Variants in CELF1 observed in about 807,000 individuals in gnomAD.
CELF1 encodes the protein 50 kDa nuclear polyadenylated RNA-binding protein.
In CELF1, 10 loss-of-function variants were observed where a neutral mutation model predicts 61.8. The ratio of observed to expected loss-of-function variants is 0.16; its 90% confidence interval spans 0.10 to 0.27. The LOEUF is 0.27. Among genes scored for constraint, CELF1 ranks in the 10% least tolerant of loss-of-function variants. The pLI, the probability that CELF1 is intolerant of heterozygous loss-of-function variation, is 1.00. For missense variants in CELF1, 380 were observed against 639.1 expected, an observed-to-expected ratio of 0.59 and a Z score of 4.37; for synonymous variants, 236 against 225.1, an observed-to-expected ratio of 1.05 and a Z score of -0.43.
intron 1 of CELF1, among the ~76,000 whole-genome samples, chr11:47,506,139 T>A (rs1427463292): frequency 6.7e-6 from 1 of 149,110 alleles, no homozygotes; most frequent in East Asian, 2.0e-4. Context: ...AAAAAAAAAA[T>A]TTGCAGGCTG....
At chr11:47,520,189 CATCT>C (rs990450045) in intron 1 of CELF1, among the ~76,000 whole-genome samples, 1 of 152,044 alleles carries the variant, frequency 6.6e-6, no homozygotes, top group African/African-American at 2.4e-5. Context: ...CATGGGAGAG[CATCT>C]ATCTAAGGGA....
intron 7 of CELF1, 86 bp downstream of exon 7, chr11:47,484,303 C>A: frequency 2.1e-6 from 3 of 1,444,982 alleles, no homozygotes; most frequent in South Asian, 1.2e-5. Flanking sequence ...TGAGAGAGAG[C>A]AAGACCTTGT....
At chr11:47,544,360 A>G (rs1243413988) in intron 1 of CELF1, among the ~76,000 whole-genome samples, 1 of 152,198 alleles carries the variant, frequency 6.6e-6, no homozygotes, top group Admixed American at 6.5e-5. Flanking sequence ...AGTGCCTAGC[A>G]TAAGTTACCT....
chr11:47,494,390 T>C, intron 3 of CELF1: 2 of 984,460 alleles, frequency 2.0e-6, no homozygotes, highest in South Asian at 4.7e-5. Flanking sequence ...TGAGCAACTA[T>C]GAAAATTCAG....
rs561549938 is a variant in CELF1 at position 47,468,300 on chromosome 11, A to C, written c.*3930T>G. On this transcript the variant is annotated 3_prime_UTR_variant, in exon 15 of 15. Coordinates refer to ENST00000687097, the MANE Select transcript of CELF1 (RefSeq NM_001376376.1). The stretch of plus-strand genomic sequence containing the variant: ...GAAAGGGGGTTCAGGTGCTCTCCGC[A>C]GTTGAGAACTCAGAAGAAAAACAAA... 7 of 152,360 alleles carry C rather than the reference A, an allele frequency of 4.6e-5. No homozygotes were observed. The East Asian group carries it at 1.3e-3, about 29-fold the overall frequency. The allele number at this position is 152,360 out of a possible 1,614,324, so 9.4% of individuals were successfully genotyped here.
At chr11:47,560,776 G>A (rs902994058) in intron 2 of CELF1, among the ~76,000 whole-genome samples, 3 of 152,148 alleles carry the variant, frequency 2.0e-5, no homozygotes, top group Non-Finnish European at 2.9e-5. Context: ...CATTGGAGGG[G>A]GGTGGGCATA....
chr11:47,527,726 C>T (rs2096298324), intron 1 of CELF1, among the ~76,000 whole-genome samples: 1 of 152,072 alleles, frequency 6.6e-6, no homozygotes, highest in Non-Finnish European at 1.5e-5. Context: ...ATGCTTTTTT[C>T]GTGTTTAAGA....
intron 1 of CELF1, among the ~76,000 whole-genome samples, chr11:47,505,559 C>T (rs1223937658): frequency 6.7e-6 from 1 of 149,878 alleles, no homozygotes; most frequent in Non-Finnish European, 1.5e-5. Context: ...AGGAGAATGG[C>T]GTGAACCTGG....
upstream of CELF1, among the ~76,000 whole-genome samples, chr11:47,553,896 C>T (rs78678720): frequency 0.016 from 2,409 of 151,714 alleles, 50 homozygotes; most frequent in African/African-American, 0.048. Flanking sequence ...CTAGATGGAA[C>T]GCAAGCAGTA....
At chr11:47,521,784 AG>A (rs1320883818) in intron 1 of CELF1, among the ~76,000 whole-genome samples, 1 of 152,256 alleles carries the variant, frequency 6.6e-6, no homozygotes, top group African/African-American at 2.4e-5. Flanking sequence ...TTCAAAATAA[AG>A]TACCTGATCT....
At chr11:47,551,637 T>C (rs1413874692) in intron 1 of CELF1, among the ~76,000 whole-genome samples, 3 of 152,216 alleles carry the variant, frequency 2.0e-5, no homozygotes, top group Non-Finnish European at 4.4e-5. Context: ...GGAGAGAAGC[T>C]ACACTTGTGG....
At position 47,553,120 on chromosome 11, in the gene CELF1, C is replaced by T. The variant is rs1382881693; in HGVS notation, c.-282G>A. ...GTCCCGCCGCCGCTGCCGCTGCCGCCAGAGCAGAACACCCCAAAATGGCGG... is the reference window on the plus strand; with the variant it reads ...GTCCCGCCGCCGCTGCCGCTGCCGCTAGAGCAGAACACCCCAAAATGGCGG... On this transcript the variant is annotated 5_prime_UTR_variant, in exon 1 of 15. Transcript: ENST00000687097. The T allele has an allele frequency of 5.0e-6, 2 of 396,546 alleles. No homozygotes were observed. Among genetic ancestry groups the T allele is most frequent in the East Asian group, 7.1e-5 (2 of 28,006 alleles). 24.6% of individuals were successfully genotyped at this position (396,546 alleles called of 1,614,324 possible).
chr11:47,537,200 T>G (rs2096650310), intron 1 of CELF1, among the ~76,000 whole-genome samples: 1 of 151,870 alleles, frequency 6.6e-6, no homozygotes, highest in African/African-American at 2.4e-5. Context: ...CAATAAAAAT[T>G]ACGAAGTTTC....
chr11:47,503,090 A>T (rs990076485), intron 1 of CELF1, among the ~76,000 whole-genome samples: 3 of 152,208 alleles, frequency 2.0e-5, no homozygotes, highest in African/African-American at 7.2e-5. Context: ...TCAAAGCCTG[A>T]TTAAGTGAAG....
intron 3 of CELF1, among the ~76,000 whole-genome samples, chr11:47,490,394 G>C (rs972140173): frequency 6.7e-6 from 1 of 148,980 alleles, no homozygotes; most frequent in Non-Finnish European, 1.5e-5. Context: ...AAATTGCCAC[G>C]TTCTAATATC....
intron 9 of CELF1, among the ~76,000 whole-genome samples, chr11:47,481,925 AGGCGCAGT>A (rs1475451133): frequency 6.6e-6 from 1 of 152,168 alleles, no homozygotes; most frequent in Non-Finnish European, 1.5e-5. Flanking sequence ...GATCTCCGCC[AGGCGCAGT>A]GGCTCACACC....
At chr11:47,550,346 C>A (rs958636161) in intron 1 of CELF1, among the ~76,000 whole-genome samples, 3 of 152,020 alleles carry the variant, frequency 2.0e-5, no homozygotes, top group Non-Finnish European at 4.4e-5. Flanking sequence ...GCCTGGCCAA[C>A]ATGGTGAAAC....
At chr11:47,529,927 C>T (rs1208872565) in intron 1 of CELF1, among the ~76,000 whole-genome samples, 6 of 152,082 alleles carry the variant, frequency 3.9e-5, no homozygotes, top group Non-Finnish European at 7.4e-5. Flanking sequence ...CCCAACCTGT[C>T]AGCAGAAGTA....
At chr11:47,521,376 AATTT>A (rs1456340099) in intron 1 of CELF1, among the ~76,000 whole-genome samples, 2 of 152,266 alleles carry the variant, frequency 1.3e-5, no homozygotes, top group Non-Finnish European at 2.9e-5. Context: ...ACTGATTCAT[AATTT>A]AATAATCTCA....
Sources: gnomAD v4.1 joint callset for allele counts (sites outside exome capture counted in the v4.1 genomes callset) on GRCh38, gnomAD v4.1.1 for gene constraint, MANE v1.5 for transcripts, NCBI Gene and HGNC (gene_info 2026-07-23, HGNC 2026-07-21) for gene names.